CFAP43: variants seen among roughly 807,000 people sequenced by gnomAD.
CFAP43 encodes cilia and flagella associated protein 43.
CFAP43 carries 155 observed loss-of-function variants against 218.9 expected under a neutral mutation model. The ratio of observed to expected loss-of-function variants is 0.71; its 90% CI spans 0.62 to 0.81. CFAP43 has a LOEUF of 0.81. Ranked by LOEUF, CFAP43 falls within the 30% of genes least tolerant of loss-of-function variation. The pLI is 0.00. For synonymous variants in CFAP43, 645 were observed against 681.3 expected (o/e 0.95, Z 0.83); for missense variants, 1,778 against 1,954.3 (o/e 0.91, Z 1.70).
At chr10:104,175,045 A>T (rs2089566628) in intron 19 of CFAP43, among the ~76,000 whole-genome samples, 1 of 151,368 alleles carries the variant, frequency 6.6e-6, no homozygotes, top group Non-Finnish European at 1.5e-5. Flanking sequence ...ACAGAGCGAG[A>T]GCGAGACTCC....
At chr10:104,173,267 T>C (rs550158964) in intron 19 of CFAP43, among the ~76,000 whole-genome samples, 5 of 152,190 alleles carry the variant, frequency 3.3e-5, no homozygotes, top group African/African-American at 1.2e-4. Context: ...ATAGCATAGA[T>C]AAACCCATTA....
At position 104,166,470 on chromosome 10, in the gene CFAP43, A is replaced by G; in HGVS notation, c.3039+18T>C. ...GGGAGTCTAGAGATTTTTCAGGATA[A>G]AAAGAAAATTGACCCACTTTCAATA... On this transcript the variant is annotated intron_variant, in intron 23 of 37. Transcript: ENST00000357060. 6.3e-7 allele frequency: 1 copy of G among 1,591,372 alleles called. No individual in the cohort carries two copies. The highest frequency in any genetic ancestry group is 8.6e-7 in the Non-Finnish European group (1 of 1,165,696).
At chr10:104,211,728 A>T (rs1299884994) in intron 5 of CFAP43, among the ~76,000 whole-genome samples, 12 of 151,856 alleles carry the variant, frequency 7.9e-5, no homozygotes, top group Admixed American at 7.9e-4. Flanking sequence ...CAGCATCTCC[A>T]CCTAGGTGTC....
chr10:104,158,080 T>G (rs990941383), intron 27 of CFAP43, among the ~76,000 whole-genome samples: 4 of 152,112 alleles, frequency 2.6e-5, no homozygotes, highest in African/African-American at 9.7e-5. Flanking sequence ...CACATTAAGT[T>G]AGAGTATGCC....
chr10:104,219,681 T>C (rs1349696035), intron 3 of CFAP43, among the ~76,000 whole-genome samples: 1 of 152,174 alleles, frequency 6.6e-6, no homozygotes, highest in Admixed American at 6.5e-5. Context: ...AAAAGCATCC[T>C]GATTTGGATG....
chr10:104,224,343 G>A (rs1010647264), intron 3 of CFAP43, among the ~76,000 whole-genome samples: 8 of 151,920 alleles, frequency 5.3e-5, no homozygotes, highest in African/African-American at 1.7e-4. Context: ...GCGCCTGGCC[G>A]ATGGATGTAT....
chr10:104,214,158 T>C lies in CFAP43; in HGVS notation c.584+101A>G, dbSNP rs1237639654. On this transcript the variant is annotated intron_variant, in intron 4 of 37. Transcript: ENST00000357060. ...GTGTATGTGTGTGTATGCATATATATGTATGTATAAAGCCACTTAATTCAT... is the reference window on the plus strand; with the variant it reads ...GTGTATGTGTGTGTATGCATATATACGTATGTATAAAGCCACTTAATTCAT... 63 of 1,145,748 alleles carry C rather than the reference T, an allele frequency of 5.5e-5. No homozygotes were observed. In the African/African-American group the frequency reaches 8.6e-4, roughly 16 times the overall value. 71.0% of individuals were successfully genotyped at this position (1,145,748 alleles called of 1,614,324 possible). A position where few individuals can be genotyped will look rare whatever the true frequency, so the allele number is the denominator to read the frequency against.
intron 7 of CFAP43, among the ~76,000 whole-genome samples, chr10:104,204,526 C>A (rs2090624076): frequency 1.3e-5 from 2 of 152,120 alleles, no homozygotes; most frequent in East Asian, 3.9e-4. Flanking sequence ...AGGCAAGGTG[C>A]TTTTTTTGAG....
rs68093596 is a variant in CFAP43, at chr10:104,220,949, C to CGTGTGT, written c.416+4506_416+4511dup. ...CTTTTTCTAACTCTATATGAGTGAG[C>CGTGTGT]GTGTGTGTGTGTGTGTGTGTGTGTG... is the stretch of plus-strand genomic sequence containing the variant. On this transcript the variant is annotated intron_variant, in intron 3 of 37. Coordinates refer to ENST00000357060, the MANE Select transcript of CFAP43 (RefSeq NM_025145.7). Among the ~76,000 whole-genome samples, 1,188 of 143,680 alleles carry CGTGTGT rather than the reference C, an allele frequency of 8.3e-3. 13 individuals carry two copies. Among genetic ancestry groups the CGTGTGT allele is most frequent in the African/African-American group, 0.021 (839 of 39,164 alleles). 94.3% of individuals were successfully genotyped at this position (143,680 alleles called of 152,430 possible).
At chr10:104,155,389 G>A (rs1355860118) in intron 27 of CFAP43, among the ~76,000 whole-genome samples, 2 of 152,188 alleles carry the variant, frequency 1.3e-5, no homozygotes, top group African/African-American at 4.8e-5. Flanking sequence ...GGGTACCAGT[G>A]GCTGATCTAA....
intron 19 of CFAP43, among the ~76,000 whole-genome samples, chr10:104,174,885 C>G (rs1469770978): frequency 6.7e-6 from 1 of 150,352 alleles, no homozygotes; most frequent in Non-Finnish European, 1.5e-5. Flanking sequence ...GAAACACCAT[C>G]TCTACTAAAA....
intron 21 of CFAP43, 34 bp from the exon 22 acceptor site, chr10:104,167,771 A>G (rs1345251586): frequency 1.3e-6 from 2 of 1,521,174 alleles, no homozygotes; most frequent in Non-Finnish European, 1.8e-6. Context: ...AAATAAATCC[A>G]TTTGTAGTAT....
At chr10:104,217,289 T>C (rs1331100116) in intron 3 of CFAP43, among the ~76,000 whole-genome samples, 2 of 152,224 alleles carry the variant, frequency 1.3e-5, no homozygotes, top group Non-Finnish European at 2.9e-5. Context: ...CAGTCATGTG[T>C]GCACCTTCCA....
At chr10:104,153,954 G>A (rs929525317) in intron 27 of CFAP43, among the ~76,000 whole-genome samples, 9 of 152,084 alleles carry the variant, frequency 5.9e-5, no homozygotes, top group Non-Finnish European at 1.3e-4. Context: ...GTACACCCAG[G>A]TTACACATTT....
At chr10:104,175,101 A>G (rs971538649) in intron 19 of CFAP43, among the ~76,000 whole-genome samples, 13 of 151,772 alleles carry the variant, frequency 8.6e-5, no homozygotes, top group Admixed American at 1.3e-4. Flanking sequence ...AAAAAAACCA[A>G]AAAGAAAATA....
At chr10:104,170,444 G>A (rs1222564779) in intron 20 of CFAP43, among the ~76,000 whole-genome samples, 2 of 152,122 alleles carry the variant, frequency 1.3e-5, no homozygotes, top group African/African-American at 4.8e-5. Context: ...ATACAGCTTG[G>A]AGAGAGAAGC....
At chr10:104,160,689 T>C (rs1399081196) in intron 27 of CFAP43, among the ~76,000 whole-genome samples, 3 of 152,206 alleles carry the variant, frequency 2.0e-5, no homozygotes, top group African/African-American at 7.2e-5. Context: ...TGAATTCAAA[T>C]AAATGTACAC....
intron 36 of CFAP43, 66 bp from the exon 37 acceptor site, chr10:104,131,550 G>T: frequency 6.8e-7 from 1 of 1,479,440 alleles, no homozygotes; most frequent in South Asian, 1.3e-5. Context: ...ATCCTATAAA[G>T]ACATTATTCT....
rs72823943 is a variant in CFAP43, at chr10:104,167,481, T to C, written c.2808+140A>G. ...AGGCTCCTATAGTTATTAGAATATA[T>C]TCTACAAATTAACAAGAAATAAAAA... On this transcript the variant is annotated intron_variant, in intron 22 of 37. Transcript: ENST00000357060. The C allele has an allele frequency of 6.6e-3, 3,633 of 548,844 alleles. 26 individuals carry two copies. The highest frequency in any genetic ancestry group is 9.0e-3 in the Non-Finnish European group (3,015 of 336,350). The allele number at this position is 548,844 out of a possible 1,614,324, so 34.0% of individuals were successfully genotyped here. A position where few individuals can be genotyped will look rare whatever the true frequency, so the allele number is the denominator to read the frequency against.
Sources: gnomAD v4.1 joint callset for allele counts (sites outside exome capture counted in the v4.1 genomes callset) on GRCh38, gnomAD v4.1.1 for gene constraint, MANE v1.5 for transcripts, NCBI Gene and HGNC (gene_info 2026-07-23, HGNC 2026-07-21) for gene names.